USP11: variants seen among roughly 807,000 people sequenced by gnomAD.
The protein encoded by USP11 is ubiquitin specific peptidase 11.
In USP11, 5 loss-of-function variants were observed where a neutral mutation model predicts 72.8. The ratio of observed to expected loss-of-function variants is 0.07; its 90% CI spans 0.04 to 0.14. USP11 has a LOEUF of 0.14. USP11 is among the 10% of genes least tolerant of loss of function. The probability of loss-of-function intolerance (pLI) is 1.00; values close to 1 mark genes in which losing one functional copy is unlikely to be tolerated. For synonymous variants in USP11, 368 were observed against 326.5 expected, an observed-to-expected ratio of 1.13 and a Z score of -1.37; for missense variants, 480 against 794.7, an observed-to-expected ratio of 0.60 and a Z score of 4.76.
rs2055407385 is a variant in USP11 at position 47,242,290 on chromosome X, G to A, written c.1388G>A (p.Arg463His). The change falls in exon 10 of 21, where the codon CGC becomes CAC. Residue 463 changes from arginine to histidine, a missense_variant. By Grantham distance (29) the Arg-to-His change is conservative. Transcript: ENST00000377107. ...GTCTTCTTTATCCCCATGGATCCGC[G>A]CCGCAAGCCAGAGCAGGTGTGGGGC... is the stretch of plus-strand genomic sequence containing the variant. The part of the protein sequence containing the change: ...LEVFFIPMDP[R>H]RKPEQHRLVV... The A allele has an allele frequency of 5.0e-6, 6 of 1,211,612 alleles. No individual in the cohort carries two copies. Among genetic ancestry groups the A allele is most frequent in the East Asian group, 3.0e-5 (1 of 33,856 alleles).
intron 9 of USP11, 23 bp downstream of exon 9, chrX:47,241,722 G>T (rs1251485373): frequency 1.7e-6 from 2 of 1,165,273 alleles, no homozygotes; most frequent in Admixed American, 5.0e-5. Flanking sequence ...CGCATTTGCA[G>T]TCCAATTAAC....
chrX:47,242,391 C>T lies in USP11; in HGVS notation c.1405-48C>T, dbSNP rs1263616444. On this transcript the variant is annotated intron_variant, in intron 10 of 20. Transcript: ENST00000377107. The stretch of plus-strand genomic sequence containing the variant: ...CATAGCTCAAGGCTTCTTGCATTAA[C>T]TCACCACAAGCCCTTTTGGTCTTTT... 3.3e-6 allele frequency: 4 copies of T among 1,208,153 alleles called. No homozygotes were observed. In the Admixed American group the frequency reaches 6.5e-5, roughly 20 times the overall value.
rs189636193 is a variant in USP11 at position 47,241,178 on chromosome X, G to A, written c.847-99G>A. On this transcript the variant is annotated intron_variant, in intron 7 of 20. Transcript: ENST00000377107. ...CTCTCCTCCCTTCCCCTTCTCTCTT[G>A]TTTTCCTCTCTCTTTCCTCCTGGCT... is the stretch of plus-strand genomic sequence containing the variant. 136 of 934,040 alleles carry A rather than the reference G, an allele frequency of 1.5e-4. 1 individual carries two copies. The African/African-American group carries it at 1.6e-3, about 11-fold the overall frequency. 77.0% of individuals were successfully genotyped at this position (934,040 alleles called of 1,213,427 possible).
rs1262531986 is a variant in USP11, at chrX:47,243,614, C to G, written c.1790+12C>G. On this transcript the variant is annotated intron_variant, in intron 13 of 20. Coordinates refer to ENST00000377107, the MANE Select transcript of USP11 (RefSeq NM_001371072.1). ...ATGTACCGGCTCTCGTAAGTGTCCT[C>G]TTCCCCGGGGGTGGGGGGCGGAGGG... The G allele has an allele frequency of 8.3e-7, 1 of 1,207,521 alleles. No homozygotes were observed. Among genetic ancestry groups the G allele is most frequent in the Non-Finnish European group, 1.1e-6 (1 of 893,409 alleles).
In USP11 at chrX:47,237,786, A is replaced by ATGTGTGTG. The variant is rs763902030; in HGVS notation, c.177-1250_177-1243dup. ...GCCACAGCAGAACAGGTGTGTGTGT[A>ATGTGTGTG]TGTGTGTGTGTGTGTGTGTGTGTGT... On this transcript the variant is annotated intron_variant, in intron 1 of 20. Coordinates refer to ENST00000377107, the MANE Select transcript of USP11 (RefSeq NM_001371072.1). 3.1e-4 allele frequency among the ~76,000 whole-genome samples: 12 copies of ATGTGTGTG among 38,369 alleles called. 1 individual carries two copies. The highest frequency in any genetic ancestry group is 3.7e-4 in the African/African-American group (7 of 19,096). The allele number at this position is 38,369 out of a possible 115,157, so 33.3% of individuals were successfully genotyped here.
Position 47,242,626 on chromosome X carries a change from A to G in USP11, c.1489A>G (p.Met497Val), listed in dbSNP as rs1432032641. Residue 497 changes from methionine to valine, a missense_variant and splice_region_variant, in exon 12 of 21, where the codon ATG becomes GTG. Coordinates refer to ENST00000377107, the MANE Select transcript of USP11 (RefSeq NM_001371072.1). Reference sequence around the variant, plus strand: ...TCCCCTCTCCATATCCCATTCCTAGATGATGGTGGCTGATGTCTTCAGTCA... The same window carrying G: ...TCCCCTCTCCATATCCCATTCCTAGGTGATGGTGGCTGATGTCTTCAGTCA... ...SKHTGISPER[M>V]MVADVFSHRF... is the part of the protein sequence containing the mutation. 2 of 1,208,260 alleles carry G rather than the reference A, an allele frequency of 1.7e-6. No individual in the cohort carries two copies. The highest frequency in any genetic ancestry group is 1.1e-6 in the Non-Finnish European group (1 of 893,498).
At chrX:47,243,833 C>T (rs1344263468) in intron 13 of USP11, among the ~76,000 whole-genome samples, 3 of 112,091 alleles carry the variant, frequency 2.7e-5, no homozygotes, top group Non-Finnish European at 5.6e-5. Flanking sequence ...CAGACAACTT[C>T]ATCTTGTCTT....
At chrX:47,235,246 C>T (rs1030750180) in intron 1 of USP11, among the ~76,000 whole-genome samples, 1 of 111,926 alleles carries the variant, frequency 8.9e-6, no homozygotes, top group Admixed American at 9.5e-5. Flanking sequence ...TAAGCTTTCA[C>T]TTTATACATA....
intron 3 of USP11, 127 bp from the exon 4 acceptor site, chrX:47,239,663 C>T (rs1359414954): frequency 2.1e-6 from 2 of 966,606 alleles, no homozygotes; most frequent in Non-Finnish European, 2.9e-6. Context: ...GCTCTCTTTA[C>T]AGACCATTGT....
chrX:47,239,569 G>A lies in USP11; in HGVS notation c.417+88G>A. 1.9e-5 allele frequency: 22 copies of A among 1,149,892 alleles called. No homozygotes were observed. The South Asian group carries it at 4.3e-4, about 23-fold the overall frequency. The allele number at this position is 1,149,892 out of a possible 1,213,427, so 94.8% of individuals were successfully genotyped here. ...CATGGGTACAGATCCATGTATGCTG[G>A]GTAGGTACACATATGTCTGCTCTCT... On this transcript the variant is annotated intron_variant, in intron 3 of 20. Coordinates refer to ENST00000377107, the MANE Select transcript of USP11 (RefSeq NM_001371072.1).
chrX:47,234,191 TTAAAA>T (rs1398541388), intron 1 of USP11, among the ~76,000 whole-genome samples: 2 of 111,199 alleles, frequency 1.8e-5, no homozygotes, highest in Non-Finnish European at 3.8e-5. Context: ...GGACATCCTG[TTAAAA>T]TAAACGGCCT....
chrX:47,233,670 G>A (rs2147347601), intron 1 of USP11: 2 of 501,693 alleles, frequency 4.0e-6, no homozygotes, highest in African/African-American at 5.3e-5. Flanking sequence ...GAGCGGGATG[G>A]AGCCGAACGG....
In USP11 at chrX:47,247,064, G is replaced by C. The variant is rs17327536; in HGVS notation, c.2271-8G>C. ...AAGTCCGTTTGCTGACTCGGGCTCT[G>C]TCTGTAGGTACTGCCCTTCCTGCAA... On this transcript the variant is annotated splice_region_variant and splice_polypyrimidine_tract_variant and intron_variant, in intron 17 of 20. Transcript: ENST00000377107. 0.053 allele frequency: 64,048 copies of C among 1,203,078 alleles called. 1,354 individuals are homozygous for C. The highest frequency in any genetic ancestry group is 0.12 in the Middle Eastern group (506 of 4,292).
chrX:47,248,264 T>C lies in USP11; in HGVS notation c.*334T>C. The C allele has an allele frequency of 4.1e-6, 1 of 241,596 alleles. No homozygotes were observed. The highest frequency in any genetic ancestry group is 7.3e-6 in the Non-Finnish European group (1 of 137,147). 19.9% of individuals were successfully genotyped at this position (241,596 alleles called of 1,213,427 possible). A position where few individuals can be genotyped will look rare whatever the true frequency, so the allele number is the denominator to read the frequency against. ...GGTTCACCTGAACACAGAGTGTATT[T>C]TCTTATTGAGGCCCTGTACCTTCTG... On this transcript the variant is annotated 3_prime_UTR_variant, in exon 21 of 21. Coordinates refer to ENST00000377107, the MANE Select transcript of USP11 (RefSeq NM_001371072.1).
At chrX:47,233,272 C>G in intron 1 of USP11, 53 bp downstream of exon 1, 1 of 1,099,509 alleles carries the variant, frequency 9.1e-7, no homozygotes, top group African/African-American at 1.9e-5. Context: ...GGGGCATTGA[C>G]AACCGCTGGG....
chrX:47,239,308 C>T (rs1449487906), intron 2 of USP11, 43 bp from the exon 3 acceptor site: 14 of 1,199,347 alleles, frequency 1.2e-5, no homozygotes, highest in Non-Finnish European at 1.6e-5. Context: ...CGTCAGTTTC[C>T]TTTGTTGATT....
chrX:47,238,931 G>A (rs1041615265), intron 1 of USP11, 139 bp from the exon 2 acceptor site: 14 of 426,396 alleles, frequency 3.3e-5, no homozygotes, highest in African/African-American at 4.9e-5. Flanking sequence ...ATTTTGCTTC[G>A]AATTTATTTT....
At chrX:47,246,178 G>A (rs1216981358) in intron 17 of USP11, among the ~76,000 whole-genome samples, 3 of 112,404 alleles carry the variant, frequency 2.7e-5, no homozygotes, top group African/African-American at 9.7e-5. Flanking sequence ...GTGATGTCCT[G>A]TATCCACTTT....
intron 1 of USP11, among the ~76,000 whole-genome samples, chrX:47,237,442 A>G (rs1413564031): frequency 9.0e-6 from 1 of 111,157 alleles, no homozygotes; most frequent in Non-Finnish European, 1.9e-5. Flanking sequence ...CTGTCCCTCC[A>G]TCCTCCCACC....
Sources: gnomAD v4.1 joint callset for allele counts (sites outside exome capture counted in the v4.1 genomes callset) on GRCh38, gnomAD v4.1.1 for gene constraint, MANE v1.5 for transcripts, NCBI Gene and HGNC (gene_info 2026-07-23, HGNC 2026-07-21) for gene names.